The following NR1H3 variants were observed in gnomAD, a reference collection of about 807,000 sequenced individuals.
The protein encoded by NR1H3 is nuclear receptor subfamily 1 group H member 3, also known as oxysterols receptor LXR-alpha.
In NR1H3, 19 loss-of-function variants were observed where a neutral mutation model predicts 48.1. That is an observed-to-expected ratio of 0.40 (90% CI 0.28 to 0.58). The LOEUF (loss-of-function observed/expected upper bound fraction) is 0.58, where lower values mean the gene tolerates loss of function less well. NR1H3 is among the 20% of genes least tolerant of loss of function. The probability of loss-of-function intolerance (pLI) is 0.50; values close to 1 mark genes in which losing one functional copy is unlikely to be tolerated. For missense variants in NR1H3, 486 were observed against 595.9 expected (o/e 0.82, Z 1.92); for synonymous variants, 232 against 227.3 (o/e 1.02, Z -0.19).
At chr11:47,268,075 G>A (rs751933114) in intron 8 of NR1H3, 49 bp downstream of exon 8, 4 of 1,450,980 alleles carry the variant, frequency 2.8e-6, no homozygotes, top group East Asian at 4.5e-5. Flanking sequence ...CACCAAGGAG[G>A]GCTGCAGGTC....
chr11:47,251,656 G>A (rs1370000024), intron 1 of NR1H3, among the ~76,000 whole-genome samples: 1 of 151,980 alleles, frequency 6.6e-6, no homozygotes, highest in Non-Finnish European at 1.5e-5. Context: ...TTGGCAAAAT[G>A]CTGCATATTA....
At position 47,261,697 on chromosome 11, in the gene NR1H3, A is replaced by G. The variant is rs1452213439; in HGVS notation, c.859A>G (p.Ile287Val). ...GFLQLSREDQ[I>V]ALLKTSAIEV... ...CCTGCAGCTCAGCCGGGAGGACCAG[A>G]TTGCCCTGCTGAAGACCTCTGCGAT... The change falls in exon 6 of 10, where the codon ATT becomes GTT. Residue 287 changes from isoleucine to valine, a missense_variant. By Grantham distance (29) the Ile-to-Val change is conservative. Transcript: ENST00000441012. The G allele has an allele frequency of 6.2e-7, 1 of 1,614,122 alleles. No individual in the cohort carries two copies.
At chr11:47,252,068 G>GAAAAAAAAAAAAAAA (rs77344433) in intron 1 of NR1H3, among the ~76,000 whole-genome samples, 1 of 128,636 alleles carries the variant, frequency 7.8e-6, no homozygotes. Context: ...AAAAAAAAAA[G>GAAAAAAAAAAAAAAA]AAAAAAAAAA....
Position 47,258,016 on chromosome 11 carries a change from C to T in NR1H3, c.-151C>T, listed in dbSNP as rs1955369471. 1.0e-6 allele frequency: 1 copy of T among 980,056 alleles called. No individual in the cohort carries two copies. Among genetic ancestry groups the T allele is most frequent in the Non-Finnish European group, 1.2e-6 (1 of 828,016 alleles). 60.7% of individuals were successfully genotyped at this position (980,056 alleles called of 1,614,324 possible). A position where few individuals can be genotyped will look rare whatever the true frequency, so the allele number is the denominator to read the frequency against. ...TCCAGGTCCTGCTTGTGCTCAGCTC[C>T]AGCTCACTGGCTGGCCACCGAGACT... On this transcript the variant is annotated 5_prime_UTR_variant, in exon 1 of 10. Transcript: ENST00000441012.
chr11:47,259,137 G>C, intron 1 of NR1H3, 43 bp from the exon 2 acceptor site: 4 of 1,608,210 alleles, frequency 2.5e-6, no homozygotes, highest in Non-Finnish European at 3.4e-6. Context: ...AGGCCAGAAA[G>C]GAGCCCAGTT....
rs1955848431 is a variant in NR1H3 at position 47,261,409 on chromosome 11, A to G, written c.668A>G (p.Gln223Arg). The G allele has an allele frequency of 6.2e-7, 1 of 1,613,880 alleles. No homozygotes were observed. Among genetic ancestry groups the G allele is most frequent in the African/African-American group, 1.3e-5 (1 of 74,854 alleles). ...MIEKLVAAQQQCNRRSFSDRL... is the reference protein window; with the variant it reads ...MIEKLVAAQQRCNRRSFSDRL... ...GAGAAGCTCGTCGCTGCCCAGCAAC[A>G]GTGTAACCGGCGCTCCTTTTCTGAC... The change falls in exon 5 of 10, where the codon CAG becomes CGG. Residue 223 changes from glutamine to arginine, a missense_variant. Transcript: ENST00000441012.
chr11:47,263,591 CTTTTTTTTTCTTTTCTTTTTTT>C (rs1374299274), intron 7 of NR1H3, among the ~76,000 whole-genome samples: 18 of 147,476 alleles, frequency 1.2e-4, no homozygotes, highest in Admixed American at 4.8e-4. Flanking sequence ...TACTCTTTTT[CTTTTTTTTTCTTTTCTTTTTTT>C]TTTTTTTTGA....
At chr11:47,264,270 C>A (rs1243731327) in intron 7 of NR1H3, among the ~76,000 whole-genome samples, 1 of 152,162 alleles carries the variant, frequency 6.6e-6, no homozygotes, top group East Asian at 1.9e-4. Flanking sequence ...ACTCTCAGGG[C>A]TGGTAGATCT....
rs35321542 is a variant in NR1H3 at position 47,252,959 on chromosome 11, CT to C, written c.-93+3979del. ...CTTTTGAATCAGCTAAACTTGTATT[CT>C]TTTTTTTTTTTTTTTTTTGAGACAG... On this transcript the variant is annotated intron_variant, in intron 1 of 8. Coordinates refer to the NR1H3 transcript ENST00000395397. 7.9e-3 allele frequency among the ~76,000 whole-genome samples: 900 copies of C among 113,276 alleles called. 6 individuals are homozygous for C. Among genetic ancestry groups the C allele is most frequent in the African/African-American group, 0.026 (771 of 29,460 alleles). 74.3% of individuals were successfully genotyped at this position (113,276 alleles called of 152,430 possible). A position where few individuals can be genotyped will look rare whatever the true frequency, so the allele number is the denominator to read the frequency against.
chr11:47,257,308 T>TGCC (rs1392186782), upstream of NR1H3, among the ~76,000 whole-genome samples: 1 of 152,166 alleles, frequency 6.6e-6, no homozygotes, highest in Non-Finnish European at 1.5e-5. Context: ...CATCCTGGGC[T>TGCC]GCCACCTGAG....
upstream of NR1H3, chr11:47,257,796 T>C (rs971763154): frequency 3.0e-5 from 29 of 954,268 alleles, no homozygotes; most frequent in African/African-American, 1.3e-4. Context: ...TGCCACTGTT[T>C]TGGCCGGGAG....
intron 7 of NR1H3, among the ~76,000 whole-genome samples, chr11:47,262,390 A>G (rs1288133509): frequency 6.6e-6 from 1 of 150,960 alleles, no homozygotes; most frequent in African/African-American, 2.4e-5. Flanking sequence ...ATTGAGATAG[A>G]GTCTTACTAT....
At chr11:47,268,146 T>A in intron 8 of NR1H3, 115 bp from the exon 9 acceptor site, 1 of 1,230,832 alleles carries the variant, frequency 8.1e-7, no homozygotes, top group Non-Finnish European at 1.2e-6. Flanking sequence ...ATTTGCTGTG[T>A]TATTTTAGGA....
chr11:47,264,835 T>C (rs1378482051), intron 7 of NR1H3, among the ~76,000 whole-genome samples: 1 of 152,236 alleles, frequency 6.6e-6, no homozygotes, highest in Non-Finnish European at 1.5e-5. Context: ...ATGCAGTAGA[T>C]AACTGGTGAC....
At chr11:47,248,915 GC>G in exon 1 of NR1H3, 1 of 1,539,968 alleles carries the variant, frequency 6.5e-7, no homozygotes, top group Non-Finnish European at 8.7e-7. Context: ...TTAGGGACCT[GC>G]TGGGGTGCGG....
rs1955884310 is a variant in NR1H3, at chr11:47,261,660, G to A, written c.822G>A (p.Gln274=). The change falls in exon 6 of 10, where the codon CAG becomes CAA. Residue 274 remains glutamine (Q), a synonymous_variant. Transcript: ENST00000441012. ...SVQEIVDFAK[Q]LPGFLQLSRE... ...AGGAGATAGTTGACTTTGCTAAACAGCTACCCGGCTTCCTGCAGCTCAGCC... is the reference window on the plus strand; with the variant it reads ...AGGAGATAGTTGACTTTGCTAAACAACTACCCGGCTTCCTGCAGCTCAGCC... The A allele has an allele frequency of 1.9e-6, 3 of 1,614,102 alleles. No individual in the cohort carries two copies. Among genetic ancestry groups the A allele is most frequent in the Non-Finnish European group, 2.5e-6 (3 of 1,180,050 alleles).
At chr11:47,260,038 A>T in intron 3 of NR1H3, 59 bp downstream of exon 3, 1 of 1,396,172 alleles carries the variant, frequency 7.2e-7, no homozygotes, top group Non-Finnish European at 9.5e-7. Context: ...CTGGATCTGG[A>T]AGAGGTTCCT....
intron 9 of NR1H3, 35 bp from the exon 10 acceptor site, chr11:47,268,515 G>A (rs1468682305): frequency 6.2e-7 from 1 of 1,613,912 alleles, no homozygotes; most frequent in African/African-American, 1.3e-5. Context: ...CCTGGGGACA[G>A]GCAAAAGCTG....
Position 47,259,850 on chromosome 11 carries a change from G to A in NR1H3, c.103G>A (p.Gly35Ser). The A allele has an allele frequency of 6.2e-7, 1 of 1,612,670 alleles. No homozygotes were observed. ...AQDASSQAQGGSSCILREEAR... is the reference protein window; with the variant it reads ...AQDASSQAQGSSSCILREEAR... The stretch of plus-strand genomic sequence containing the variant: ...GGATGCAAGCAGCCAGGCCCAGGGA[G>A]GCAGCAGCTGCATCCTCAGAGAGGA... Residue 35 changes from glycine (G) to serine (S), a missense_variant, in exon 3 of 10, where the codon GGC (glycine) becomes AGC (serine). By Grantham distance (56) the Gly-to-Ser change is moderately conservative. Coordinates refer to ENST00000441012, the MANE Select transcript of NR1H3 (RefSeq NM_005693.4).
Sources: gnomAD v4.1 joint callset for allele counts (sites outside exome capture counted in the v4.1 genomes callset) on GRCh38, gnomAD v4.1.1 for gene constraint, MANE v1.5 for transcripts, NCBI Gene and HGNC (gene_info 2026-07-23, HGNC 2026-07-21) for gene names.